The following TAFA5 variants were observed in gnomAD, a reference collection of about 807,000 sequenced individuals.
The protein encoded by TAFA5 is TAFA chemokine like family member 5.
TAFA5 carries 6 observed loss-of-function variants against 15.3 expected under a neutral mutation model. The observed-to-expected ratio is 0.39, with a 90% CI of 0.21 to 0.77. The LOEUF (loss-of-function observed/expected upper bound fraction) is 0.77, where lower values mean the gene tolerates loss of function less well. Ranked by LOEUF, TAFA5 falls within the 30% of genes least tolerant of loss-of-function variation. TAFA5 has a pLI of 0.41. For synonymous variants in TAFA5, 103 were observed against 80.7 expected, an observed-to-expected ratio of 1.28 and a Z score of -1.48; for missense variants, 161 against 193.1, an observed-to-expected ratio of 0.83 and a Z score of 0.98.
chr22:48,716,765 A>C (rs1929413359), intron 3 of TAFA5, among the ~76,000 whole-genome samples: 1 of 152,218 alleles, frequency 6.6e-6, no homozygotes, highest in Non-Finnish European at 1.5e-5. Flanking sequence ...AGATGTGTGC[A>C]TACATGTACA....
intron 2 of TAFA5, among the ~76,000 whole-genome samples, chr22:48,666,590 G>A (rs1345821657): frequency 2.0e-5 from 3 of 152,250 alleles, no homozygotes; most frequent in Admixed American, 6.5e-5. Context: ...GTGATACTGA[G>A]TGACCAGCCA....
At chr22:48,514,215 A>G (rs963133989) in intron 1 of TAFA5, among the ~76,000 whole-genome samples, 21 of 152,156 alleles carry the variant, frequency 1.4e-4, no homozygotes, top group African/African-American at 4.1e-4. Flanking sequence ...GAAATTCTAG[A>G]TGAGAAAATT....
In TAFA5 at chr22:48,646,667, C is replaced by T. The variant is rs755781457; in HGVS notation, c.183C>T (p.Ile61=). 1.1e-5 allele frequency: 18 copies of T among 1,611,892 alleles called. No individual in the cohort carries two copies. Among genetic ancestry groups the T allele is most frequent in the Admixed American group, 3.3e-5 (2 of 59,980 alleles). Residue 61 remains isoleucine, a synonymous_variant, in exon 2 of 4, where the codon ATC becomes ATT. Transcript: ENST00000402357. Reference sequence around the variant, plus strand: ...ACAGCAGCCAGCCTCGGAGGACGATCGCCCGGCAGACCGCCCGCTGTGCGT... The same window carrying T: ...ACAGCAGCCAGCCTCGGAGGACGATTGCCCGGCAGACCGCCCGCTGTGCGT... ...DRDSSQPRRT[I]ARQTARCACR...
chr22:48,627,197 A>G (rs1316022621), intron 1 of TAFA5, among the ~76,000 whole-genome samples: 1 of 152,070 alleles, frequency 6.6e-6, no homozygotes, highest in Non-Finnish European at 1.5e-5. Flanking sequence ...TAATAGTTGA[A>G]TTTTTCTGGA....
At chr22:48,553,437 C>A (rs1478612417) in intron 1 of TAFA5, among the ~76,000 whole-genome samples, 2 of 152,228 alleles carry the variant, frequency 1.3e-5, no homozygotes, top group African/African-American at 4.8e-5. Context: ...GGGAGGGAAG[C>A]AGGATGCAGG....
rs758154872 is a variant in TAFA5, at chr22:48,749,874, G to C, written c.*27G>C. ...AAACACAGCCCCTGAGGGGCCCCGGGAGTGGCCTTGGCTCCCTGGAGAGCC... is the reference window on the plus strand; with the variant it reads ...AAACACAGCCCCTGAGGGGCCCCGGCAGTGGCCTTGGCTCCCTGGAGAGCC... On this transcript the variant is annotated 3_prime_UTR_variant, in exon 4 of 4. Transcript: ENST00000402357. 8 of 1,553,288 alleles carry C rather than the reference G, an allele frequency of 5.2e-6. No homozygotes were observed. The South Asian group carries it at 5.9e-5, about 12-fold the overall frequency.
At chr22:48,657,948 A>G (rs1927304761) in intron 2 of TAFA5, among the ~76,000 whole-genome samples, 1 of 152,142 alleles carries the variant, frequency 6.6e-6, no homozygotes, top group Non-Finnish European at 1.5e-5. Context: ...ACACCCTGCT[A>G]ATAATGCCGC....
intron 1 of TAFA5, among the ~76,000 whole-genome samples, chr22:48,643,248 G>A (rs1260675997): frequency 1.3e-5 from 2 of 152,054 alleles, no homozygotes; most frequent in Non-Finnish European, 2.9e-5. Flanking sequence ...TGCGTGGCTC[G>A]CTGTGGCGAT....
At chr22:48,647,898 C>T (rs1926922628) in intron 2 of TAFA5, among the ~76,000 whole-genome samples, 1 of 152,156 alleles carries the variant, frequency 6.6e-6, no homozygotes, top group South Asian at 2.1e-4. Context: ...GACGCCACTT[C>T]TTGGGGTGGA....
rs1488830355 is a variant in TAFA5 at position 48,742,455 on chromosome 22, G to A, written c.391-7384G>A. ...GGGCAGGAGACGGGTGGAGCGGGTGGTGCTGTGTGGCGGAGCTGGCGGCGC... is the reference window on the plus strand; with the variant it reads ...GGGCAGGAGACGGGTGGAGCGGGTGATGCTGTGTGGCGGAGCTGGCGGCGC... On this transcript the variant is annotated intron_variant, in intron 3 of 3. Transcript: ENST00000402357. This position sits in a 1 kb window ranked among gnomAD's most constrained non-coding sequence, Gnocchi z 6.2. Among the ~76,000 whole-genome samples the A allele has an allele frequency of 6.6e-6, 1 of 152,188 alleles. No homozygotes were observed.
intron 1 of TAFA5, among the ~76,000 whole-genome samples, chr22:48,524,004 G>A (rs1383811254): frequency 6.6e-6 from 1 of 152,212 alleles, no homozygotes; most frequent in Non-Finnish European, 1.5e-5. Flanking sequence ...CCCCGGGGCC[G>A]GGCTGGCCTG....
At chr22:48,569,407 C>CG (rs919537858) in intron 1 of TAFA5, among the ~76,000 whole-genome samples, 1 of 152,048 alleles carries the variant, frequency 6.6e-6, no homozygotes, top group Non-Finnish European at 1.5e-5. Flanking sequence ...GGGGTGTCTC[C>CG]GGGGGGTCTG....
At chr22:48,497,460 G>A (rs1276036330) in intron 1 of TAFA5, among the ~76,000 whole-genome samples, 2 of 151,666 alleles carry the variant, frequency 1.3e-5, no homozygotes, top group African/African-American at 4.9e-5. Context: ...GGAGTGTCCA[G>A]TGGCCAGGGG....
rs6008732 is a variant in TAFA5, at chr22:48,489,977, G to T, written c.112+273G>T. 0.21 allele frequency among the ~76,000 whole-genome samples: 32,605 copies of T among 151,780 alleles called. 3,710 individuals carry two copies. Among genetic ancestry groups the T allele is most frequent in the East Asian group, 0.45 (2,306 of 5,086 alleles). On this transcript the variant is annotated intron_variant, in intron 1 of 3. Coordinates refer to ENST00000402357, the MANE Select transcript of TAFA5 (RefSeq NM_001082967.3). The surrounding 1 kb of genome is among the most constrained non-coding windows in gnomAD (Gnocchi z 5.5). Reference sequence around the variant, plus strand: ...GCAGGGCCCGGGCTCCAGGCCCCGGGTGGCGCGGCCCGTCCCTGCCCGGCG... The same window carrying T: ...GCAGGGCCCGGGCTCCAGGCCCCGGTTGGCGCGGCCCGTCCCTGCCCGGCG...
intron 1 of TAFA5, among the ~76,000 whole-genome samples, chr22:48,630,531 G>C (rs969054940): frequency 7.2e-5 from 11 of 152,268 alleles, no homozygotes; most frequent in African/African-American, 2.4e-4. Context: ...AGCCTCGCTC[G>C]GGCCCAGGGC....
chr22:48,655,224 G>A (rs1376253620), intron 2 of TAFA5, among the ~76,000 whole-genome samples: 35 of 152,210 alleles, frequency 2.3e-4, no homozygotes, highest in Admixed American at 2.3e-3. Flanking sequence ...GTCTGAAGGG[G>A]CTGGCAGGAT....
In TAFA5 at chr22:48,547,763, C is replaced by A. The variant is rs143830959; in HGVS notation, c.112+58059C>A. On this transcript the variant is annotated intron_variant, in intron 1 of 3. Coordinates refer to ENST00000402357, the MANE Select transcript of TAFA5 (RefSeq NM_001082967.3). ...CCATCTCTGGCCCCACTCAGACCTG[C>A]GGAGTCCGAGACTCTGGGGTGGGTC... 4.4e-3 allele frequency among the ~76,000 whole-genome samples: 669 copies of A among 152,310 alleles called. 5 individuals carry two copies. The highest frequency in any genetic ancestry group is 0.015 in the African/African-American group (626 of 41,566).
chr22:48,541,648 G>T (rs571709112), intron 1 of TAFA5, among the ~76,000 whole-genome samples: 1 of 152,142 alleles, frequency 6.6e-6, no homozygotes, highest in Admixed American at 6.5e-5. Flanking sequence ...AGGGTGGGAG[G>T]CCCCATGCAG....
intron 1 of TAFA5, among the ~76,000 whole-genome samples, chr22:48,568,749 C>A (rs771712875): frequency 6.6e-6 from 1 of 152,204 alleles, no homozygotes; most frequent in African/African-American, 2.4e-5. Flanking sequence ...CCTCCCCCCA[C>A]GAAGCCCATT....
Sources: allele counts gnomAD v4.1 joint callset (sites outside exome capture counted in the v4.1 genomes callset), GRCh38; gene constraint gnomAD v4.1.1; non-coding constraint Gnocchi (gnomAD v3.1); transcripts MANE v1.5; gene names NCBI Gene and HGNC (gene_info 2026-07-23, HGNC 2026-07-21).